The following ZNF257 variants were observed in gnomAD, a reference collection of about 807,000 sequenced individuals.
ZNF257 encodes bone marrow zinc finger 4.
A neutral mutation model predicts 11.9 loss-of-function variants in ZNF257; 12 were observed. The ratio of observed to expected loss-of-function variants is 1.01; its 90% confidence interval spans 0.65 to 1.63. The LOEUF is 1.63. Among genes scored for constraint, ZNF257 ranks in the 40% most tolerant of loss-of-function variants. The pLI is 0.00. For missense variants in ZNF257, 580 were observed against 665.5 expected, an observed-to-expected ratio of 0.87 and a Z score of 1.41; for synonymous variants, 183 against 222.7, an observed-to-expected ratio of 0.82 and a Z score of 1.59.
In ZNF257 at chr19:22,076,504, G is replaced by C. The variant is rs1261925062; in HGVS notation, c.226+2940G>C. On this transcript the variant is annotated intron_variant, in intron 3 of 3. Coordinates refer to ENST00000594947, the MANE Select transcript of ZNF257 (RefSeq NM_033468.4). The stretch of plus-strand genomic sequence containing the variant: ...TCTGCATTATCTCTAAAATTTTACT[G>C]CCACACAGTGCCTGTCAATGATTCG... Among the ~76,000 whole-genome samples, 4 of 151,422 alleles carry C rather than the reference G, an allele frequency of 2.6e-5. No homozygotes were observed. In the East Asian group the frequency reaches 7.8e-4, roughly 29 times the overall value.
At chr19:22,077,328 G>C (rs1402906933) in intron 3 of ZNF257, among the ~76,000 whole-genome samples, 1 of 151,866 alleles carries the variant, frequency 6.6e-6, no homozygotes, top group Non-Finnish European at 1.5e-5. Flanking sequence ...CAAAAAAATG[G>C]TATACATTTC....
At chr19:22,068,472 A>G (rs1399083424) in intron 1 of ZNF257, among the ~76,000 whole-genome samples, 2 of 152,152 alleles carry the variant, frequency 1.3e-5, no homozygotes, top group Non-Finnish European at 2.9e-5. Context: ...TGAGATTCAC[A>G]AGACAGGGCC....
At chr19:22,052,769 C>G in intron 1 of ZNF257, 134 bp downstream of exon 1, 3 of 1,102,936 alleles carry the variant, frequency 2.7e-6, no homozygotes, top group Non-Finnish European at 4.0e-6. Context: ...TTGGCCAGCT[C>G]GGCCTCGGTC....
At chr19:22,064,168 A>C (rs1391766713) in intron 1 of ZNF257, 1 of 152,240 alleles carries the variant, frequency 6.6e-6, no homozygotes, top group East Asian at 1.9e-4. Context: ...CAAGAATTCA[A>C]GAACACGTCC....
At chr19:22,075,413 T>A (rs1284966957) in intron 3 of ZNF257, 2 of 152,342 alleles carry the variant, frequency 1.3e-5, no homozygotes, top group Non-Finnish European at 2.9e-5. Flanking sequence ...AAGCTGGAAC[T>A]GAGACTTTGA....
At chr19:22,065,513 T>G (rs1183740221) in intron 1 of ZNF257, among the ~76,000 whole-genome samples, 1 of 152,150 alleles carries the variant, frequency 6.6e-6, no homozygotes, top group East Asian at 1.9e-4. Flanking sequence ...ACAGACATTT[T>G]TAAAAAATTT....
intron 1 of ZNF257, among the ~76,000 whole-genome samples, chr19:22,067,209 T>C (rs959321569): frequency 1.3e-5 from 2 of 152,164 alleles, no homozygotes; most frequent in Non-Finnish European, 2.9e-5. Flanking sequence ...TTCTACAAAC[T>C]TCACAGGGCA....
chr19:22,072,700 A>T (rs1485308128), intron 1 of ZNF257, 109 bp from the exon 2 acceptor site: 2 of 1,327,804 alleles, frequency 1.5e-6, no homozygotes, highest in East Asian at 4.8e-5. Flanking sequence ...CACTCCAATA[A>T]GGCAGAACCT....
chr19:22,062,483 TC>T (rs1293956002), intron 1 of ZNF257, among the ~76,000 whole-genome samples: 14 of 98,484 alleles, frequency 1.4e-4, no homozygotes, highest in Admixed American at 9.7e-4. Flanking sequence ...TTTCTTTCTT[TC>T]TTTTTTTTTT....
intron 3 of ZNF257, among the ~76,000 whole-genome samples, chr19:22,078,899 T>A (rs2022294784): frequency 6.6e-6 from 1 of 151,778 alleles, no homozygotes; most frequent in Admixed American, 6.6e-5. Flanking sequence ...TTCAAGTGAT[T>A]CTCCTGCCTC....
At chr19:22,070,305 CATCT>C (rs112073234) in intron 1 of ZNF257, among the ~76,000 whole-genome samples, 5,695 of 152,126 alleles carry the variant, frequency 0.037, 370 homozygotes, top group African/African-American at 0.13. Context: ...TTATCCCTCT[CATCT>C]ATCTATTTAG....
chr19:22,076,850 G>A (rs1254430431), intron 3 of ZNF257, among the ~76,000 whole-genome samples: 3 of 151,906 alleles, frequency 2.0e-5, no homozygotes, highest in East Asian at 1.9e-4. Context: ...CACCATGCCC[G>A]GCTAATTTTT....
chr19:22,087,450 C>A, intron 3 of ZNF257: 2 of 571,262 alleles, frequency 3.5e-6, no homozygotes, highest in Non-Finnish European at 5.2e-6. Context: ...TGTGGTACTG[C>A]AGTCTGTCTG....
rs1407778208 is a variant in ZNF257, at chr19:22,084,188, T to G, written c.227-3789T>G. 2.0e-5 allele frequency among the ~76,000 whole-genome samples: 3 copies of G among 152,098 alleles called. No homozygotes were observed. In the South Asian group the frequency reaches 6.2e-4, roughly 32 times the overall value. ...AGTGATGTTCCAGTATTTTTACATT[T>G]CAAATTATATCTATTGAATAATTTG... On this transcript the variant is annotated intron_variant, in intron 3 of 3. Transcript: ENST00000594947.
At position 22,064,282 on chromosome 19, in the gene ZNF257, T is replaced by A. The variant is rs925657026; in HGVS notation, c.4-8527T>A. ...GCATCTTAAAGCATTTAAGATGATA[T>A]GTACATTTATCTTTGTTATTTTGAA... On this transcript the variant is annotated intron_variant, in intron 1 of 3. Transcript: ENST00000594947. 8 of 152,354 alleles carry A rather than the reference T, an allele frequency of 5.3e-5. No homozygotes were observed. In the South Asian group the frequency reaches 1.7e-3, roughly 32 times the overall value. The allele number at this position is 152,354 out of a possible 1,614,324, so 9.4% of individuals were successfully genotyped here.
chr19:22,091,071 C>T lies in ZNF257; in HGVS notation c.*1629C>T, dbSNP rs984017927. The T allele has an allele frequency of 6.6e-6, 1 of 151,984 alleles. No homozygotes were observed. The highest frequency in any genetic ancestry group is 6.6e-5 in the Admixed American group (1 of 15,260). 9.4% of individuals were successfully genotyped at this position (151,984 alleles called of 1,614,324 possible). On this transcript the variant is annotated 3_prime_UTR_variant, in exon 4 of 4. Transcript: ENST00000594947. ...GTACCATATAATGTTAGTGATTGTA[C>T]TTTTATTTAATAAAATGCAGTACAT...
At chr19:22,052,670 G>T in intron 1 of ZNF257, 35 bp downstream of exon 1, 1 of 1,605,360 alleles carries the variant, frequency 6.2e-7, no homozygotes, top group East Asian at 2.3e-5. Flanking sequence ...TGGGAGAGGG[G>T]AAGGGGGTGG....
chr19:22,067,555 G>A (rs911663114), intron 1 of ZNF257, among the ~76,000 whole-genome samples: 1 of 152,170 alleles, frequency 6.6e-6, no homozygotes. Flanking sequence ...TGAGAGCTCA[G>A]GTTGGGTGCA....
At chr19:22,065,756 CT>C (rs2021928122) in intron 1 of ZNF257, 1 of 152,058 alleles carries the variant, frequency 6.6e-6, no homozygotes, top group African/African-American at 2.4e-5. Flanking sequence ...CGTAATAGCT[CT>C]TTAGTTAACT....
Sources: allele counts gnomAD v4.1 joint callset (sites outside exome capture counted in the v4.1 genomes callset), GRCh38; gene constraint gnomAD v4.1.1; transcripts MANE v1.5; gene names NCBI Gene and HGNC (gene_info 2026-07-23, HGNC 2026-07-21).